GRK3: variants seen among roughly 807,000 people sequenced by gnomAD.
The protein encoded by GRK3 is G protein-coupled receptor kinase 3.
A neutral mutation model predicts 95.7 loss-of-function variants in GRK3; 54 were observed. The observed-to-expected ratio is 0.56, with a 90% CI of 0.45 to 0.71. GRK3 has a LOEUF of 0.71. GRK3 is among the 30% of genes least tolerant of loss of function. The probability of loss-of-function intolerance (pLI) is 0.00; values close to 1 mark genes in which losing one functional copy is unlikely to be tolerated. For missense variants in GRK3, 649 were observed against 851.2 expected (o/e 0.76, Z 2.96); for synonymous variants, 281 against 290.8 (o/e 0.97, Z 0.34).
intron 13 of GRK3, 33 bp from the exon 14 acceptor site, chr22:25,703,477 A>G (rs371553161): frequency 1.5e-5 from 23 of 1,550,478 alleles, no homozygotes; most frequent in African/African-American, 2.7e-5. Context: ...ACCTGATGCC[A>G]TATTTTGATA....
intron 15 of GRK3, 92 bp from the exon 16 acceptor site, chr22:25,709,806 T>C (rs1427001337): frequency 1.2e-6 from 1 of 838,640 alleles, no homozygotes; most frequent in Non-Finnish European, 2.0e-6. Context: ...AAATACTTGC[T>C]CCCCTGTATT....
At chr22:25,704,274 G>A (rs1367977514) in intron 15 of GRK3, 65 bp downstream of exon 15, 6 of 1,250,842 alleles carry the variant, frequency 4.8e-6, no homozygotes, top group Non-Finnish European at 6.9e-6. Flanking sequence ...TTTAAATACT[G>A]TCTATCAAAA....
intron 1 of GRK3, among the ~76,000 whole-genome samples, chr22:25,577,685 C>G (rs1931953982): frequency 6.6e-6 from 1 of 152,134 alleles, no homozygotes; most frequent in Non-Finnish European, 1.5e-5. Context: ...GGAGCTTTTC[C>G]TCGTCAGCAG....
intron 2 of GRK3, among the ~76,000 whole-genome samples, chr22:25,605,699 A>C (rs112429784): frequency 0.059 from 8,616 of 147,180 alleles, 101 homozygotes; most frequent in African/African-American, 0.09. Context: ...TTATCACCCC[A>C]AAAAGAACTT....
rs117876037 is a variant in GRK3, at chr22:25,583,686, G to A, written c.113+18533G>A. On this transcript the variant is annotated intron_variant, in intron 1 of 20. Coordinates refer to ENST00000324198, the MANE Select transcript of GRK3 (RefSeq NM_005160.4). ...TGCAGCACCTATCTTTTGAATGAGCGAATGGGTGAATGAACAGATGAGTTG... is the reference window on the plus strand; with the variant it reads ...TGCAGCACCTATCTTTTGAATGAGCAAATGGGTGAATGAACAGATGAGTTG... Among the ~76,000 whole-genome samples, 285 of 152,202 alleles carry A rather than the reference G, an allele frequency of 1.9e-3. 3 individuals carry two copies. In the East Asian group the frequency reaches 0.02, roughly 11 times the overall value.
At chr22:25,705,449 TAATC>T (rs1199160464) in intron 15 of GRK3, among the ~76,000 whole-genome samples, 4 of 152,254 alleles carry the variant, frequency 2.6e-5, no homozygotes, top group East Asian at 1.9e-4. Context: ...TAATCAATCA[TAATC>T]AATCTTTGTG....
intron 2 of GRK3, among the ~76,000 whole-genome samples, chr22:25,628,938 G>T (rs2084646120): frequency 1.3e-5 from 2 of 152,170 alleles, no homozygotes; most frequent in African/African-American, 4.8e-5. Flanking sequence ...AAAGATGGAA[G>T]AAACTAATAA....
intron 13 of GRK3, 92 bp from the exon 14 acceptor site, chr22:25,703,418 T>C: frequency 1.1e-6 from 1 of 894,870 alleles, no homozygotes; most frequent in South Asian, 1.6e-5. Context: ...TGAATAGTGA[T>C]AGGACATCAT....
At chr22:25,649,240 A>G in intron 3 of GRK3, 1 of 1,216,894 alleles carries the variant, frequency 8.2e-7, no homozygotes, top group Middle Eastern at 2.3e-4. Context: ...TTCTAATTCA[A>G]GTAGCCTATT....
intron 11 of GRK3, 30 bp from the exon 12 acceptor site, chr22:25,690,159 C>A (rs1023483215): frequency 6.4e-7 from 1 of 1,569,096 alleles, no homozygotes; most frequent in East Asian, 2.2e-5. Flanking sequence ...TTGGGGCACT[C>A]TTATTAAAGA....
chr22:25,685,150 CT>C lies in GRK3; in HGVS notation c.748-16del. 1 of 1,578,878 alleles carries C rather than the reference CT, an allele frequency of 6.3e-7. No homozygotes were observed. The highest frequency in any genetic ancestry group is 8.7e-7 in the Non-Finnish European group (1 of 1,149,770). On this transcript the variant is annotated intron_variant, in intron 9 of 20. Transcript: ENST00000324198. ...AGGCAGCTTTTGCTCTTCTTATAAA[CT>C]TTTATTGTTTCACTCTAGGACTGTC...
chr22:25,590,649 A>G (rs1369341310), intron 1 of GRK3, among the ~76,000 whole-genome samples: 10 of 152,082 alleles, frequency 6.6e-5, no homozygotes, highest in Non-Finnish European at 1.2e-4. Flanking sequence ...TTGAAACCTT[A>G]TCTCTACTAA....
chr22:25,611,829 G>GACTTTT (rs1569163613), intron 2 of GRK3, among the ~76,000 whole-genome samples: 1 of 138,004 alleles, frequency 7.2e-6, no homozygotes, highest in Admixed American at 7.1e-5. Flanking sequence ...ATAGTTTAGT[G>GACTTTT]TCTTTTTTTT....
chr22:25,647,345 A>C (rs2084793010), intron 3 of GRK3: 1 of 1,264,372 alleles, frequency 7.9e-7, no homozygotes, highest in Non-Finnish European at 1.2e-6. Context: ...TACAAGGGTG[A>C]GCCATGGGAG....
At chr22:25,678,018 A>C (rs1041832225) in intron 8 of GRK3, among the ~76,000 whole-genome samples, 3 of 152,328 alleles carry the variant, frequency 2.0e-5, no homozygotes, top group Non-Finnish European at 2.9e-5. Flanking sequence ...ATTATTTAAA[A>C]CGTCATAACT....
Position 25,667,817 on chromosome 22 carries a change from A to AT in GRK3, c.503+18dup, listed in dbSNP as rs1491221609. The stretch of plus-strand genomic sequence containing the variant: ...TATGGAAAGGTATGAAACTTTATGC[A>AT]TATATATACACAATTTTTTATCATG... On this transcript the variant is annotated intron_variant, in intron 6 of 20. Transcript: ENST00000324198. The AT allele has an allele frequency of 4.0e-6, 6 of 1,490,266 alleles. No homozygotes were observed. In the South Asian group the frequency reaches 5.7e-5, roughly 14 times the overall value. 92.3% of individuals were successfully genotyped at this position (1,490,266 alleles called of 1,614,324 possible).
At chr22:25,660,173 C>T (rs1029535182) in intron 3 of GRK3, among the ~76,000 whole-genome samples, 4 of 152,160 alleles carry the variant, frequency 2.6e-5, no homozygotes, top group African/African-American at 4.8e-5. Context: ...ATTTATTTTC[C>T]GACTCTCCTT....
At chr22:25,661,797 GA>G in intron 4 of GRK3, 120 bp downstream of exon 4, 1 of 544,372 alleles carries the variant, frequency 1.8e-6, no homozygotes, top group Admixed American at 3.2e-5. Context: ...GCACGCCCGG[GA>G]TGGATCCTAT....
At chr22:25,598,664 C>A (rs910513716) in intron 1 of GRK3, among the ~76,000 whole-genome samples, 1 of 151,806 alleles carries the variant, frequency 6.6e-6, no homozygotes, top group South Asian at 2.1e-4. Context: ...AACAGAGAGA[C>A]CCTGTGCGAA....
Sources: gnomAD v4.1 joint callset for allele counts (sites outside exome capture counted in the v4.1 genomes callset) on GRCh38, gnomAD v4.1.1 for gene constraint, MANE v1.5 for transcripts, NCBI Gene and HGNC (gene_info 2026-07-23, HGNC 2026-07-21) for gene names.